DEFB125: variants seen among roughly 807,000 people sequenced by gnomAD.
DEFB125 encodes defensin beta 125.
In DEFB125, 11 loss-of-function variants were observed where a neutral mutation model predicts 11.8. That is an observed-to-expected ratio of 0.94 (90% CI 0.59 to 1.55). The LOEUF is 1.55. Among genes scored for constraint, DEFB125 ranks in the 40% most tolerant of loss-of-function variants. DEFB125 has a pLI of 0.00. For synonymous variants in DEFB125, 79 were observed against 66.7 expected (o/e 1.18, Z -0.90); for missense variants, 198 against 191.2 (o/e 1.04, Z -0.21).
intron 1 of DEFB125, among the ~76,000 whole-genome samples, chr20:92,337 T>C (rs1255476146): frequency 6.6e-6 from 1 of 151,790 alleles, no homozygotes; most frequent in Non-Finnish European, 1.5e-5. Flanking sequence ...ACCCCTCAAA[T>C]GAGTAGTCAC....
At chr20:94,060 CCAATTAAA>C (rs1353726660) in intron 1 of DEFB125, among the ~76,000 whole-genome samples, 3 of 147,804 alleles carry the variant, frequency 2.0e-5, no homozygotes, top group Non-Finnish European at 4.4e-5. Flanking sequence ...GACCTGATGC[CCAATTAAA>C]CATTTTTTTA....
intron 1 of DEFB125, among the ~76,000 whole-genome samples, chr20:94,722 G>C (rs6079826): frequency 1.3e-5 from 2 of 152,088 alleles, no homozygotes; most frequent in African/African-American, 4.8e-5. Flanking sequence ...CTCCTATCTA[G>C]GTGTAATTTT....
intron 1 of DEFB125, among the ~76,000 whole-genome samples, chr20:94,247 T>C (rs2054506656): frequency 6.6e-6 from 1 of 152,108 alleles, no homozygotes; most frequent in African/African-American, 2.4e-5. Context: ...CCTCAAACAT[T>C]TGTCATTTTT....
intron 1 of DEFB125, among the ~76,000 whole-genome samples, chr20:88,749 G>A (rs891847120): frequency 6.6e-6 from 1 of 152,024 alleles, no homozygotes; most frequent in African/African-American, 2.4e-5. Flanking sequence ...CAGATGAATT[G>A]CCTCACATTA....
chr20:93,158 G>A (rs889072417), intron 1 of DEFB125, among the ~76,000 whole-genome samples: 1 of 151,874 alleles, frequency 6.6e-6, no homozygotes, highest in Non-Finnish European at 1.5e-5. Flanking sequence ...TTTTAGTAGA[G>A]ACAGGGTTTC....
intron 1 of DEFB125, among the ~76,000 whole-genome samples, chr20:95,419 C>A: frequency 6.6e-6 from 1 of 152,134 alleles, no homozygotes; most frequent in Non-Finnish European, 1.5e-5. Flanking sequence ...ACCTTGCATT[C>A]CAAGGATAAA....
chr20:87,721 G>T lies in DEFB125; in HGVS notation c.12G>T (p.Leu4=). The change falls in exon 1 of 2, where the codon CTG becomes CTT. Residue 4 remains leucine (L), a synonymous_variant. Transcript: ENST00000382410. Reference sequence around the variant, plus strand: ...CTCTCCCAGGAGCCATGAATATCCTGATGCTGACCTTCATTATCTGTGGGT... The same window carrying T: ...CTCTCCCAGGAGCCATGAATATCCTTATGCTGACCTTCATTATCTGTGGGT... MNI[L]MLTFIICGLL... is the part of the protein sequence containing the mutation. The T allele has an allele frequency of 6.2e-7, 1 of 1,613,216 alleles. No homozygotes were observed.
chr20:90,252 T>C (rs75132769), intron 1 of DEFB125, among the ~76,000 whole-genome samples: 43 of 152,254 alleles, frequency 2.8e-4, no homozygotes, highest in Non-Finnish European at 5.1e-4. Flanking sequence ...TGAAGTTCTT[T>C]GAAAAAAATG....
chr20:92,651 A>G (rs191747395), intron 1 of DEFB125, among the ~76,000 whole-genome samples: 5 of 152,090 alleles, frequency 3.3e-5, no homozygotes, highest in Non-Finnish European at 5.9e-5. Context: ...TCGGCTTCCC[A>G]AAGTGCTGGG....
chr20:89,016 A>G (rs998238494), intron 1 of DEFB125, among the ~76,000 whole-genome samples: 7 of 152,114 alleles, frequency 4.6e-5, no homozygotes, highest in Non-Finnish European at 8.8e-5. Flanking sequence ...GTTTTCTACT[A>G]CATTCAGTTT....
chr20:93,136 A>G (rs576778020), intron 1 of DEFB125, among the ~76,000 whole-genome samples: 1 of 151,914 alleles, frequency 6.6e-6, no homozygotes, highest in South Asian at 2.1e-4. Context: ...ATGCCCAGCT[A>G]ATTTTTGTAT....
intron 1 of DEFB125, among the ~76,000 whole-genome samples, chr20:91,622 G>A (rs1287525459): frequency 6.6e-6 from 1 of 152,156 alleles, no homozygotes; most frequent in Non-Finnish European, 1.5e-5. Context: ...AAACTTTGAT[G>A]ACTGTGTGAC....
intron 1 of DEFB125, among the ~76,000 whole-genome samples, chr20:95,658 A>G (rs1332331591): frequency 1.3e-5 from 2 of 152,154 alleles, no homozygotes; most frequent in Non-Finnish European, 2.9e-5. Flanking sequence ...TAGGAATGAT[A>G]CCAGCTCTTC....
At position 96,050 on chromosome 20, in the gene DEFB125, G is replaced by T. The variant is rs762230159; in HGVS notation, c.104G>T (p.Cys35Phe). The change falls in exon 2 of 2, where the codon TGC becomes TTC. Residue 35 changes from cysteine to phenylalanine, a missense_variant. Cys to Phe is a radical substitution (Grantham distance 205). Transcript: ENST00000382410. ...TGTTGGAAGAATAATGTAGGACATT[G>T]CAGAAGACGATGTTTAGATACTGAA... ...QKCWKNNVGHCRRRCLDTERY... is the reference protein window; with the variant it reads ...QKCWKNNVGHFRRRCLDTERY... The T allele has an allele frequency of 2.5e-6, 4 of 1,613,340 alleles. No homozygotes were observed. The Admixed American group carries it at 6.7e-5, about 27-fold the overall frequency.
rs868868710 is a variant in DEFB125, at chr20:96,023, A to C, written c.77A>C (p.Lys26Thr). ...TCTACAGGTAGCTTTGAACCCCAAA[A>C]ATGTTGGAAGAATAATGTAGGACAT... ...RVTKGSFEPQ[K>T]CWKNNVGHCR... is the part of the protein sequence containing the mutation. The change falls in exon 2 of 2, where the codon AAA becomes ACA. Residue 26 changes from lysine (K) to threonine (T), a missense_variant. Coordinates refer to ENST00000382410, the MANE Select transcript of DEFB125 (RefSeq NM_153325.4). 1.2e-6 allele frequency: 2 copies of C among 1,601,460 alleles called. No individual in the cohort carries two copies. The highest frequency in any genetic ancestry group is 2.7e-5 in the African/African-American group (2 of 74,646).
chr20:91,393 A>G (rs2122975869), intron 1 of DEFB125, among the ~76,000 whole-genome samples: 1 of 152,342 alleles, frequency 6.6e-6, no homozygotes, highest in African/African-American at 2.4e-5. Flanking sequence ...GCCAAGACCA[A>G]CGTCCTGAAG....
chr20:88,153 G>A (rs2054482971), intron 1 of DEFB125, among the ~76,000 whole-genome samples: 1 of 152,094 alleles, frequency 6.6e-6, no homozygotes, highest in Non-Finnish European at 1.5e-5. Flanking sequence ...TCTTTGCCCG[G>A]AGGGTACCTT....
At chr20:94,422 T>C (rs947640832) in intron 1 of DEFB125, among the ~76,000 whole-genome samples, 1 of 152,080 alleles carries the variant, frequency 6.6e-6, no homozygotes, top group Non-Finnish European at 1.5e-5. Flanking sequence ...AAGGTGGTGG[T>C]GGGGATGGTT....
At chr20:92,717 T>C (rs906651534) in intron 1 of DEFB125, among the ~76,000 whole-genome samples, 1 of 152,012 alleles carries the variant, frequency 6.6e-6, no homozygotes, top group African/African-American at 2.4e-5. Context: ...AGACAACTAT[T>C]TTGTCCTGAC....
Sources: gnomAD v4.1 joint callset for allele counts (sites outside exome capture counted in the v4.1 genomes callset) on GRCh38, gnomAD v4.1.1 for gene constraint, MANE v1.5 for transcripts, NCBI Gene and HGNC (gene_info 2026-07-23, HGNC 2026-07-21) for gene names.